IGSF11: variants seen among roughly 807,000 people sequenced by gnomAD.
IGSF11 encodes the protein CXADR like 1.
Under a neutral mutation model 41.0 loss-of-function variants are expected in IGSF11, and 22 were observed. That is an observed-to-expected ratio of 0.54 (90% CI 0.38 to 0.77). The LOEUF (loss-of-function observed/expected upper bound fraction) is 0.77, where lower values mean the gene tolerates loss of function less well. IGSF11 is among the 30% of genes least tolerant of loss of function. IGSF11 has a pLI of 0.00. For missense variants in IGSF11, 444 were observed against 530.8 expected, an observed-to-expected ratio of 0.84 and a Z score of 1.61; for synonymous variants, 219 against 201.3, an observed-to-expected ratio of 1.09 and a Z score of -0.74.
intron 1 of IGSF11, among the ~76,000 whole-genome samples, chr3:119,080,864 C>G (rs2076575129): frequency 2.0e-5 from 3 of 152,006 alleles, no homozygotes; most frequent in Admixed American, 2.0e-4. Flanking sequence ...TGCTTTTTAT[C>G]CCAGTTTAAC....
chr3:118,955,619 CT>C (rs950515693), intron 1 of IGSF11, among the ~76,000 whole-genome samples: 130 of 151,534 alleles, frequency 8.6e-4, no homozygotes, highest in African/African-American at 3.0e-3. Flanking sequence ...CGAAAAGAAT[CT>C]TTTTTTTTCC....
chr3:119,045,633 G>T lies in IGSF11; in HGVS notation c.49+59511C>A, dbSNP rs1367963758. Among the ~76,000 whole-genome samples the T allele has an allele frequency of 5.9e-5, 9 of 151,958 alleles. No homozygotes were observed. In the East Asian group the frequency reaches 1.4e-3, roughly 23 times the overall value. ...GCAGCCAAGAAGCTCCAACTGGGTG[G>T]AGCCCACCACAGCTCAAGGAGGCCT... On this transcript the variant is annotated intron_variant, in intron 1 of 6. Coordinates refer to the IGSF11 transcript ENST00000354673.
chr3:119,134,578 T>G (rs939860905), intron 1 of IGSF11, among the ~76,000 whole-genome samples: 14 of 152,102 alleles, frequency 9.2e-5, no homozygotes, highest in Admixed American at 5.9e-4. Context: ...CACAAACAAA[T>G]GAAAGAACAT....
chr3:119,019,515 T>G (rs1261076140), intron 1 of IGSF11, among the ~76,000 whole-genome samples: 1 of 151,556 alleles, frequency 6.6e-6, no homozygotes, highest in Non-Finnish European at 1.5e-5. Flanking sequence ...TCAGAGAAAC[T>G]CTTGGTCTTT....
rs1015343461 is a variant in IGSF11, at chr3:118,946,283, A to G, written c.53-16008T>C. 5.9e-5 allele frequency among the ~76,000 whole-genome samples: 9 copies of G among 151,830 alleles called. No homozygotes were observed. The East Asian group carries it at 1.5e-3, about 26-fold the overall frequency. On this transcript the variant is annotated intron_variant, in intron 1 of 6. Coordinates refer to ENST00000393775, the MANE Select transcript of IGSF11 (RefSeq NM_001015887.3). Reference sequence around the variant, plus strand: ...GAATTCAGTAATGTTTTTTTAAAAAAATCACACAACTTCCCCCCGAAATTT... The same window carrying G: ...GAATTCAGTAATGTTTTTTTAAAAAGATCACACAACTTCCCCCCGAAATTT...
At chr3:119,007,817 A>G (rs1035933661) in intron 1 of IGSF11, among the ~76,000 whole-genome samples, 2 of 152,210 alleles carry the variant, frequency 1.3e-5, no homozygotes, top group Non-Finnish European at 2.9e-5. Context: ...TGAAGAATGT[A>G]TCTTGATCAT....
At chr3:118,908,968 A>G (rs1479592258) in intron 4 of IGSF11, among the ~76,000 whole-genome samples, 1 of 152,242 alleles carries the variant, frequency 6.6e-6, no homozygotes, top group Non-Finnish European at 1.5e-5. Flanking sequence ...TGGAGCTACC[A>G]AAGTGCCTAC....
At chr3:119,073,039 T>C (rs1404575381) in intron 1 of IGSF11, among the ~76,000 whole-genome samples, 3 of 152,120 alleles carry the variant, frequency 2.0e-5, no homozygotes. Context: ...TTACAAACCT[T>C]GAGCTAGACA....
chr3:119,130,089 T>G (rs1200464637), intron 1 of IGSF11, among the ~76,000 whole-genome samples: 1 of 152,100 alleles, frequency 6.6e-6, no homozygotes, highest in Non-Finnish European at 1.5e-5. Context: ...TGGTTTCTGT[T>G]CCAAGATGGC....
In IGSF11 at chr3:118,984,139, T is replaced by C. The variant is rs538871003; in HGVS notation, c.52+50392A>G. The stretch of plus-strand genomic sequence containing the variant: ...TTTTGTTTTTTCAAACTCAGTCTTA[T>C]AGCCAGATTCAGGCTTTGTAATTTC... On this transcript the variant is annotated intron_variant, in intron 1 of 6. Transcript: ENST00000393775. 2.5e-4 allele frequency among the ~76,000 whole-genome samples: 38 copies of C among 151,616 alleles called. 1 individual carries two copies. The highest frequency in any genetic ancestry group is 4.2e-4 in the South Asian group (2 of 4,796).
At chr3:119,133,283 G>T (rs995838050) in intron 1 of IGSF11, among the ~76,000 whole-genome samples, 3 of 152,096 alleles carry the variant, frequency 2.0e-5, no homozygotes, top group Non-Finnish European at 4.4e-5. Context: ...CCAGGAGCTG[G>T]TTTTTTGAAA....
At chr3:119,061,153 T>C (rs1027555729) in intron 1 of IGSF11, among the ~76,000 whole-genome samples, 1 of 152,136 alleles carries the variant, frequency 6.6e-6, no homozygotes, top group Non-Finnish European at 1.5e-5. Flanking sequence ...GAAAAATCAA[T>C]ATATATCTAA....
intron 1 of IGSF11, among the ~76,000 whole-genome samples, chr3:119,011,547 C>G (rs1054004893): frequency 5.1e-4 from 78 of 151,858 alleles, no homozygotes; most frequent in Non-Finnish European, 1.9e-4. Context: ...AACCAGGGCC[C>G]AAGGCAACAT....
intron 1 of IGSF11, among the ~76,000 whole-genome samples, chr3:119,078,068 C>G (rs76012513): frequency 0.016 from 2,430 of 152,150 alleles, 78 homozygotes; most frequent in African/African-American, 0.056. Context: ...TAGAAAACAT[C>G]GATATTATTA....
intron 1 of IGSF11, among the ~76,000 whole-genome samples, chr3:118,973,133 G>A (rs1019386267): frequency 1.2e-4 from 19 of 152,158 alleles, no homozygotes; most frequent in Admixed American, 1.1e-3. Flanking sequence ...TCTCATCCAG[G>A]GATATGCCCC....
chr3:119,060,531 T>C (rs1271794349), intron 1 of IGSF11, among the ~76,000 whole-genome samples: 1 of 152,218 alleles, frequency 6.6e-6, no homozygotes, highest in Non-Finnish European at 1.5e-5. Flanking sequence ...GTAACTATAC[T>C]ATACACTTTA....
chr3:119,021,663 A>T (rs2107713923), intron 1 of IGSF11, among the ~76,000 whole-genome samples: 1 of 152,294 alleles, frequency 6.6e-6, no homozygotes, highest in East Asian at 1.9e-4. Context: ...CCCGACTCTC[A>T]TTGCACACAA....
At chr3:119,076,076 G>A (rs1559853199) in intron 1 of IGSF11, among the ~76,000 whole-genome samples, 1 of 152,112 alleles carries the variant, frequency 6.6e-6, no homozygotes, top group Non-Finnish European at 1.5e-5. Context: ...TAGATCAATG[G>A]AACAGAACAG....
intron 1 of IGSF11, among the ~76,000 whole-genome samples, chr3:118,988,758 C>T (rs569460913): frequency 5.3e-5 from 8 of 152,278 alleles, no homozygotes; most frequent in Admixed American, 5.2e-4. Flanking sequence ...GCTTCAATGG[C>T]ACTACGAGTT....
Sources: allele counts gnomAD v4.1 joint callset (sites outside exome capture counted in the v4.1 genomes callset), GRCh38; gene constraint gnomAD v4.1.1; transcripts MANE v1.5; gene names NCBI Gene and HGNC (gene_info 2026-07-23, HGNC 2026-07-21).